FSTL5: variants seen among roughly 807,000 people sequenced by gnomAD.
The protein encoded by FSTL5 is follistatin-related protein 5.
In FSTL5, 62 loss-of-function variants were observed where a neutral mutation model predicts 89.1. That is an observed-to-expected ratio of 0.70 (90% confidence interval 0.57 to 0.86). FSTL5 has a LOEUF of 0.86. Among genes scored for constraint, FSTL5 ranks in the 40% least tolerant of loss-of-function variants. FSTL5 has a pLI of 0.00. For synonymous variants in FSTL5, 383 were observed against 346.2 expected, an observed-to-expected ratio of 1.11 and a Z score of -1.18; for missense variants, 1,057 against 1,001.6, an observed-to-expected ratio of 1.06 and a Z score of -0.75.
intron 4 of FSTL5, among the ~76,000 whole-genome samples, chr4:161,889,824 C>T (rs1187513040): frequency 6.6e-6 from 1 of 152,020 alleles, no homozygotes; most frequent in East Asian, 1.9e-4. Context: ...CTTTATCCAC[C>T]TATTTACAAA....
chr4:161,847,130 G>A (rs1352057618), intron 4 of FSTL5, among the ~76,000 whole-genome samples: 2 of 152,002 alleles, frequency 1.3e-5, no homozygotes, highest in Admixed American at 6.6e-5. Flanking sequence ...ACTTTAATGT[G>A]CATTCAAGTT....
At chr4:161,754,819 TG>T (rs1424262839) in intron 6 of FSTL5, among the ~76,000 whole-genome samples, 1 of 152,166 alleles carries the variant, frequency 6.6e-6, no homozygotes, top group African/African-American at 2.4e-5. Context: ...TTATATTTAC[TG>T]ACAGATTTAA....
intron 6 of FSTL5, among the ~76,000 whole-genome samples, chr4:161,663,019 C>T (rs919608597): frequency 4.6e-5 from 7 of 152,188 alleles, no homozygotes; most frequent in Admixed American, 6.5e-5. Context: ...CATCAGATCT[C>T]GTGAGACTTA....
At chr4:161,910,390 C>T (rs1375306221) in intron 4 of FSTL5, among the ~76,000 whole-genome samples, 4 of 152,106 alleles carry the variant, frequency 2.6e-5, no homozygotes, top group Admixed American at 2.0e-4. Flanking sequence ...CTTCCTGATC[C>T]AAACTGTATT....
chr4:161,784,140 T>C (rs948081203), intron 4 of FSTL5, among the ~76,000 whole-genome samples: 23 of 151,896 alleles, frequency 1.5e-4, no homozygotes, highest in Admixed American at 4.6e-4. Flanking sequence ...TTTGCCATGT[T>C]GGCCAGGCTG....
At chr4:161,473,203 T>C (rs937969393) in intron 13 of FSTL5, among the ~76,000 whole-genome samples, 1 of 152,138 alleles carries the variant, frequency 6.6e-6, no homozygotes, top group African/African-American at 2.4e-5. Context: ...ACTCCCTTTA[T>C]TATCTTCTGT....
intron 4 of FSTL5, among the ~76,000 whole-genome samples, chr4:161,872,502 T>C (rs1732307889): frequency 6.6e-6 from 1 of 152,210 alleles, no homozygotes; most frequent in Non-Finnish European, 1.5e-5. Context: ...CAGGAAGTAC[T>C]GGCCAAGGCT....
Position 161,636,512 on chromosome 4 carries a change from G to A in FSTL5, c.894+19816C>T, listed in dbSNP as rs569005903. Among the ~76,000 whole-genome samples, 587 of 140,496 alleles carry A rather than the reference G, an allele frequency of 4.2e-3. 8 individuals are homozygous for A. The highest frequency in any genetic ancestry group is 6.9e-3 in the Non-Finnish European group (459 of 66,410). The allele number at this position is 140,496 out of a possible 152,430, so 92.2% of individuals were successfully genotyped here. On this transcript the variant is annotated intron_variant, in intron 7 of 15. Coordinates refer to ENST00000306100, the MANE Select transcript of FSTL5 (RefSeq NM_020116.5). The stretch of plus-strand genomic sequence containing the variant: ...GTTTTAGGGTACATGTGCACATTGC[G>A]CAGGTTAGTTACATATGTATACATG...
intron 15 of FSTL5, among the ~76,000 whole-genome samples, chr4:161,440,547 C>T (rs908867234): frequency 3.3e-5 from 5 of 152,230 alleles, no homozygotes; most frequent in Non-Finnish European, 7.4e-5. Context: ...CTTCATTTTC[C>T]AGAAGAATGT....
At chr4:161,746,144 T>A (rs546391881) in intron 6 of FSTL5, among the ~76,000 whole-genome samples, 1 of 152,184 alleles carries the variant, frequency 6.6e-6, no homozygotes, top group African/African-American at 2.4e-5. Flanking sequence ...TAGTGTGATT[T>A]TTTTTTTTAA....
At chr4:162,132,492 G>A (rs559104641) in intron 1 of FSTL5, among the ~76,000 whole-genome samples, 1 of 151,966 alleles carries the variant, frequency 6.6e-6, no homozygotes, top group African/African-American at 2.4e-5. Context: ...AACCAACTCC[G>A]GACATGCCGC....
chr4:161,681,475 G>A (rs1259632072), intron 6 of FSTL5, among the ~76,000 whole-genome samples: 2 of 151,970 alleles, frequency 1.3e-5, no homozygotes, highest in Admixed American at 6.6e-5. Context: ...CATATATATT[G>A]CATTGACACT....
intron 4 of FSTL5, among the ~76,000 whole-genome samples, chr4:161,831,968 G>C (rs1261428091): frequency 6.6e-6 from 1 of 151,926 alleles, no homozygotes; most frequent in African/African-American, 2.4e-5. Context: ...ACTAATAAGA[G>C]ACATTGACCA....
chr4:161,441,641 C>A (rs957795445), intron 15 of FSTL5, among the ~76,000 whole-genome samples: 1 of 152,022 alleles, frequency 6.6e-6, no homozygotes, highest in Non-Finnish European at 1.5e-5. Context: ...TTTGAACAAG[C>A]AATTTAGGAG....
intron 4 of FSTL5, among the ~76,000 whole-genome samples, chr4:161,842,074 G>A (rs781593433): frequency 1.3e-5 from 2 of 152,028 alleles, no homozygotes; most frequent in Non-Finnish European, 2.9e-5. Context: ...AGCTGGTATC[G>A]CATAATCAAA....
intron 3 of FSTL5, among the ~76,000 whole-genome samples, chr4:161,978,975 T>C (rs461219): frequency 0.24 from 36,442 of 151,874 alleles, 5,011 homozygotes; most frequent in African/African-American, 0.39. Flanking sequence ...ATTTTTGTCT[T>C]TGAACCAGAT....
At chr4:161,850,746 C>A (rs996980705) in intron 4 of FSTL5, among the ~76,000 whole-genome samples, 3 of 151,884 alleles carry the variant, frequency 2.0e-5, no homozygotes, top group African/African-American at 4.8e-5. Flanking sequence ...CGTTTGGAAC[C>A]AACAATTACA....
intron 2 of FSTL5, among the ~76,000 whole-genome samples, chr4:162,082,531 C>CTTT (rs5863515): frequency 3.5e-5 from 5 of 144,708 alleles, no homozygotes; most frequent in Admixed American, 2.8e-4. Context: ...TAAACAAATT[C>CTTT]TTTTTTTTTT....
intron 8 of FSTL5, among the ~76,000 whole-genome samples, chr4:161,566,986 A>C (rs1315786177): frequency 1.3e-5 from 2 of 152,132 alleles, no homozygotes; most frequent in African/African-American, 4.8e-5. Flanking sequence ...TAAAAATGAC[A>C]CAGATGTCAA....
Sources: gnomAD v4.1 joint callset for allele counts (sites outside exome capture counted in the v4.1 genomes callset) on GRCh38, gnomAD v4.1.1 for gene constraint, MANE v1.5 for transcripts, NCBI Gene and HGNC (gene_info 2026-07-23, HGNC 2026-07-21) for gene names.